DNAJC1: variants seen among roughly 807,000 people sequenced by gnomAD.
DNAJC1 encodes the protein DnaJ heat shock protein family (Hsp40) member C1.
Under a neutral mutation model 76.6 loss-of-function variants are expected in DNAJC1, and 58 were observed. The ratio of observed to expected loss-of-function variants is 0.76; its 90% CI spans 0.61 to 0.94. The LOEUF (loss-of-function observed/expected upper bound fraction) is 0.94. Among genes scored for constraint, DNAJC1 ranks in the 40% least tolerant of loss-of-function variants. The probability of loss-of-function intolerance (pLI) is 0.00; values close to 1 mark genes in which losing one functional copy is unlikely to be tolerated. For missense variants in DNAJC1, 689 were observed against 677.3 expected (o/e 1.02, Z -0.19); for synonymous variants, 258 against 267.9 (o/e 0.96, Z 0.36).
At chr10:21,895,416 T>C (rs1836525529) in intron 7 of DNAJC1, among the ~76,000 whole-genome samples, 1 of 152,216 alleles carries the variant, frequency 6.6e-6, no homozygotes, top group Admixed American at 6.5e-5. Flanking sequence ...TTGTGTCCTA[T>C]TACTTTGTGG....
intron 8 of DNAJC1, among the ~76,000 whole-genome samples, chr10:21,876,513 G>T (rs1564814866): frequency 6.6e-6 from 1 of 152,134 alleles, no homozygotes; most frequent in African/African-American, 2.4e-5. Context: ...ATATATAATT[G>T]TTATCCCAAT....
chr10:21,767,630 C>A (rs1203672848), intron 9 of DNAJC1, among the ~76,000 whole-genome samples: 4 of 152,108 alleles, frequency 2.6e-5, no homozygotes, highest in Non-Finnish European at 5.9e-5. Context: ...GTGTAATGTG[C>A]AGACTTTAAA....
intron 1 of DNAJC1, among the ~76,000 whole-genome samples, chr10:21,998,389 CAAAAAAAAAAA>C (rs60371730): frequency 3.1e-5 from 3 of 95,852 alleles, no homozygotes; most frequent in Non-Finnish European, 6.0e-5. Context: ...GACTCCATCT[CAAAAAAAAAAA>C]AAAAAAAAAG....
intron 8 of DNAJC1, among the ~76,000 whole-genome samples, chr10:21,837,557 G>C (rs1034030884): frequency 1.3e-5 from 2 of 151,706 alleles, no homozygotes; most frequent in South Asian, 4.2e-4. Flanking sequence ...CCTCTGCCTG[G>C]CCGCGACCCC....
intron 8 of DNAJC1, among the ~76,000 whole-genome samples, chr10:21,822,478 T>C (rs1835176747): frequency 6.6e-6 from 1 of 151,382 alleles, no homozygotes; most frequent in African/African-American, 2.4e-5. Context: ...ATAAAATAAA[T>C]AAATAAATAA....
At chr10:21,756,809 G>T in intron 11 of DNAJC1, 54 bp from the exon 12 acceptor site, 1 of 1,540,064 alleles carries the variant, frequency 6.5e-7, no homozygotes. Flanking sequence ...AGTCAGTGTG[G>T]TCATCATGTG....
intron 8 of DNAJC1, among the ~76,000 whole-genome samples, chr10:21,864,117 G>A (rs1165034255): frequency 1.3e-5 from 2 of 152,082 alleles, no homozygotes; most frequent in African/African-American, 4.8e-5. Context: ...TCAGGTGGGA[G>A]GCTTACTTAA....
chr10:21,853,689 G>A (rs904159618), intron 8 of DNAJC1, among the ~76,000 whole-genome samples: 1 of 149,642 alleles, frequency 6.7e-6, no homozygotes, highest in Non-Finnish European at 1.5e-5. Flanking sequence ...AGCTCATCAG[G>A]AGGCTGAGGC....
At chr10:21,935,916 C>G (rs556448575) in intron 1 of DNAJC1, among the ~76,000 whole-genome samples, 1 of 152,234 alleles carries the variant, frequency 6.6e-6, no homozygotes, top group South Asian at 2.1e-4. Context: ...AATTAGAATT[C>G]ATTGCTAGTA....
intron 1 of DNAJC1, among the ~76,000 whole-genome samples, chr10:21,946,049 C>CTTTTTT (rs71510915): frequency 1.3e-3 from 121 of 93,266 alleles, no homozygotes; most frequent in East Asian, 2.3e-3. Flanking sequence ...TTCTTTTCCT[C>CTTTTTT]TTTTTTTTTT....
intron 7 of DNAJC1, among the ~76,000 whole-genome samples, chr10:21,900,294 C>G (rs141329568): frequency 0.035 from 5,293 of 150,588 alleles, 165 homozygotes; most frequent in Middle Eastern, 0.072. Flanking sequence ...AGTGAGCCAA[C>G]ATTGCGCCAC....
intron 1 of DNAJC1, among the ~76,000 whole-genome samples, chr10:21,983,771 G>A (rs1838194756): frequency 6.6e-6 from 1 of 151,950 alleles, no homozygotes; most frequent in Admixed American, 6.6e-5. Flanking sequence ...AGGAGCTGGT[G>A]GGGAGGAAAG....
intron 8 of DNAJC1, among the ~76,000 whole-genome samples, chr10:21,840,883 T>C (rs1408856133): frequency 6.6e-6 from 1 of 152,170 alleles, no homozygotes; most frequent in Non-Finnish European, 1.5e-5. Context: ...CAAAACAGCA[T>C]GGTACTGGTA....
rs188955258 is a variant in DNAJC1 at position 21,956,739 on chromosome 10, C to T, written c.223-27598G>A. Among the ~76,000 whole-genome samples the T allele has an allele frequency of 3.7e-3, 557 of 151,572 alleles. 2 individuals carry two copies. The highest frequency in any genetic ancestry group is 6.0e-3 in the Non-Finnish European group (406 of 67,880). Reference sequence around the variant, plus strand: ...CTTCAGACCCTACCTGGCACCTTGCCTCAACAGTCTATTTTCAGCACAGCA... The same window carrying T: ...CTTCAGACCCTACCTGGCACCTTGCTTCAACAGTCTATTTTCAGCACAGCA... On this transcript the variant is annotated intron_variant, in intron 1 of 11. Coordinates refer to ENST00000376980, the MANE Select transcript of DNAJC1 (RefSeq NM_022365.4).
chr10:21,968,178 T>G (rs954909015), intron 1 of DNAJC1, among the ~76,000 whole-genome samples: 3 of 152,220 alleles, frequency 2.0e-5, no homozygotes, highest in African/African-American at 7.2e-5. Context: ...AAGTTACCAC[T>G]TTCTCAAAGT....
At chr10:21,800,723 A>G (rs908191373) in intron 9 of DNAJC1, among the ~76,000 whole-genome samples, 1 of 151,958 alleles carries the variant, frequency 6.6e-6, no homozygotes, top group African/African-American at 2.4e-5. Context: ...GAGAAACGCT[A>G]AAGTCTCTAG....
chr10:21,775,880 G>A (rs574642731), intron 9 of DNAJC1, among the ~76,000 whole-genome samples: 50 of 152,192 alleles, frequency 3.3e-4, no homozygotes, highest in African/African-American at 1.1e-3. Context: ...GCTTGGGTGG[G>A]CTTTTGGACA....
chr10:22,003,077 G>A, intron 1 of DNAJC1, 136 bp downstream of exon 1: 1 of 1,314,376 alleles, frequency 7.6e-7, no homozygotes, highest in South Asian at 2.4e-5. Flanking sequence ...GAGGACCCCG[G>A]TGACCCGAGC....
At chr10:21,832,751 T>C (rs896505881) in intron 8 of DNAJC1, among the ~76,000 whole-genome samples, 4 of 152,208 alleles carry the variant, frequency 2.6e-5, no homozygotes, top group South Asian at 2.1e-4. Context: ...TTTGATCTTA[T>C]ATACTTTTGC....
Sources: gnomAD v4.1 joint callset for allele counts (sites outside exome capture counted in the v4.1 genomes callset) on GRCh38, gnomAD v4.1.1 for gene constraint, MANE v1.5 for transcripts, NCBI Gene and HGNC (gene_info 2026-07-23, HGNC 2026-07-21) for gene names.